IP6K1: variants seen among roughly 807,000 people sequenced by gnomAD.
IP6K1 encodes inositol hexakisphosphate kinase 1, also known as ATP:1D-myo-inositol-hexakisphosphate phosphotransferase.
Under a neutral mutation model 38.3 loss-of-function variants are expected in IP6K1, and 13 were observed. That is an observed-to-expected ratio of 0.34 (90% CI 0.22 to 0.54). The LOEUF (loss-of-function observed/expected upper bound fraction) is 0.54. IP6K1 is among the 20% of genes least tolerant of loss of function. The pLI, the probability that IP6K1 is intolerant of heterozygous loss-of-function variation, is 0.92. For synonymous variants in IP6K1, 212 were observed against 229.9 expected, an observed-to-expected ratio of 0.92 and a Z score of 0.70; for missense variants, 397 against 599.8, an observed-to-expected ratio of 0.66 and a Z score of 3.53.
rs774114345 is a variant in IP6K1, at chr3:49,728,130, C to T, written c.765G>A (p.Thr255=). The change falls in exon 5 of 6, where the codon ACG becomes ACA. Residue 255 remains threonine, a synonymous_variant. Coordinates refer to ENST00000321599, the MANE Select transcript of IP6K1 (RefSeq NM_153273.4). ...MRKCEQSTSA[T]LGVRVCGMQV... Reference sequence around the variant, plus strand: ...GCATGCCGCAGACCCTGACGCCCAGCGTGGCTGATGTGCTCTGCTCGCATT... The same window carrying T: ...GCATGCCGCAGACCCTGACGCCCAGTGTGGCTGATGTGCTCTGCTCGCATT... 29 of 1,613,898 alleles carry T rather than the reference C, an allele frequency of 1.8e-5. No individual in the cohort carries two copies. The highest frequency in any genetic ancestry group is 6.7e-5 in the Admixed American group (4 of 60,004).
At chr3:49,783,710 C>A (rs2081087740) in intron 1 of IP6K1, among the ~76,000 whole-genome samples, 1 of 105,124 alleles carries the variant, frequency 9.5e-6, no homozygotes. Flanking sequence ...GAGATTCCGT[C>A]TCAAAAAAAA....
chr3:49,745,349 C>G (rs547073338), intron 2 of IP6K1, among the ~76,000 whole-genome samples: 1 of 152,134 alleles, frequency 6.6e-6, no homozygotes, highest in Non-Finnish European at 1.5e-5. Flanking sequence ...AAGTAAAATC[C>G]CTGAGGTTAA....
intron 1 of IP6K1, among the ~76,000 whole-genome samples, chr3:49,760,364 C>T (rs940599121): frequency 6.6e-6 from 1 of 152,174 alleles, no homozygotes; most frequent in Non-Finnish European, 1.5e-5. Context: ...TGGCTCAAGC[C>T]TGTAATTCCA....
intron 1 of IP6K1, among the ~76,000 whole-genome samples, chr3:49,751,146 T>TC (rs2080773591): frequency 1.6e-5 from 1 of 63,126 alleles, no homozygotes; most frequent in Non-Finnish European, 3.0e-5. Flanking sequence ...CGGCTCTGAC[T>TC]CCTTTTTTTT....
intron 1 of IP6K1, among the ~76,000 whole-genome samples, chr3:49,773,980 AACACACACAC>A (rs10575617): frequency 1.7e-4 from 24 of 142,258 alleles, no homozygotes; most frequent in South Asian, 1.6e-3. Context: ...CTCTCTCTAA[AACACACACAC>A]ACACACACAC....
chr3:49,760,250 T>C (rs563134164), intron 1 of IP6K1, among the ~76,000 whole-genome samples: 2 of 152,238 alleles, frequency 1.3e-5, no homozygotes, highest in African/African-American at 2.4e-5. Flanking sequence ...GTCCACCTCA[T>C]AGACAACCCA....
intron 1 of IP6K1, among the ~76,000 whole-genome samples, chr3:49,764,816 T>C (rs1575322507): frequency 1.3e-5 from 2 of 150,026 alleles, no homozygotes; most frequent in Admixed American, 6.6e-5. Flanking sequence ...GAGGCGGAGG[T>C]TGCAGTGAGC....
rs1309611567 is a variant in IP6K1 at position 49,724,666 on chromosome 3, C to CGTGCATGTGGTCAGGAGTGA, written c.*2436_*2455dup. 6.5e-6 allele frequency: 1 copy of CGTGCATGTGGTCAGGAGTGA among 152,690 alleles called. No individual in the cohort carries two copies. Among genetic ancestry groups the CGTGCATGTGGTCAGGAGTGA allele is most frequent in the Admixed American group, 6.5e-5 (1 of 15,284 alleles). The allele number at this position is 152,690 out of a possible 1,614,324, so 9.5% of individuals were successfully genotyped here. On this transcript the variant is annotated 3_prime_UTR_variant, in exon 6 of 6. Coordinates refer to ENST00000321599, the MANE Select transcript of IP6K1 (RefSeq NM_153273.4). ...TTCAAAGCAGTCTGCATCTAGGGAA[C>CGTGCATGTGGTCAGGAGTGA]GTGCATGTGGTCAGGAGTGAGCGCG... is the stretch of plus-strand genomic sequence containing the variant.
chr3:49,774,407 C>CAAAAAA (rs777187857), intron 1 of IP6K1, among the ~76,000 whole-genome samples: 46 of 44,114 alleles, frequency 1.0e-3, no homozygotes, highest in Admixed American at 2.2e-3. Flanking sequence ...GACTCCATCT[C>CAAAAAA]AAAAAAAAAA....
Position 49,738,172 on chromosome 3 carries a change from T to C in IP6K1, c.434+40A>G, listed in dbSNP as rs773912747. On this transcript the variant is annotated intron_variant, in intron 3 of 5. Transcript: ENST00000321599. ...ATGTGTCAGGACTATGGAGACGTCT[T>C]GAGTGCTTGTACCAGCAGGACGAAA... 8 of 1,528,334 alleles carry C rather than the reference T, an allele frequency of 5.2e-6. No individual in the cohort carries two copies. The South Asian group carries it at 9.0e-5, about 17-fold the overall frequency. 94.7% of individuals were successfully genotyped at this position (1,528,334 alleles called of 1,614,324 possible). A position where few individuals can be genotyped will look rare whatever the true frequency, so the allele number is the denominator to read the frequency against.
intron 1 of IP6K1, among the ~76,000 whole-genome samples, chr3:49,779,547 T>C (rs2081047295): frequency 6.6e-6 from 1 of 152,196 alleles, no homozygotes; most frequent in African/African-American, 2.4e-5. Context: ...TTTTCCCAAG[T>C]GGCCCACTTG....
At chr3:49,732,442 TTTAA>T (rs1412289210) in intron 4 of IP6K1, among the ~76,000 whole-genome samples, 1 of 152,194 alleles carries the variant, frequency 6.6e-6, no homozygotes, top group Non-Finnish European at 1.5e-5. Flanking sequence ...TGATTTAAAT[TTTAA>T]TTAATAAAAT....
intron 2 of IP6K1, among the ~76,000 whole-genome samples, chr3:49,741,323 T>G (rs1488100866): frequency 6.6e-6 from 1 of 152,196 alleles, no homozygotes; most frequent in Non-Finnish European, 1.5e-5. Flanking sequence ...GTTATTTCCC[T>G]TTTTTCTTTA....
intron 1 of IP6K1, among the ~76,000 whole-genome samples, chr3:49,754,831 A>G (rs2080808539): frequency 6.6e-6 from 1 of 152,178 alleles, no homozygotes; most frequent in Admixed American, 6.6e-5. Context: ...GCAGATCAGC[A>G]GGTATATACT....
intron 2 of IP6K1, among the ~76,000 whole-genome samples, chr3:49,740,863 T>C (rs964077666): frequency 6.6e-6 from 1 of 151,604 alleles, no homozygotes; most frequent in Non-Finnish European, 1.5e-5. Context: ...TTTCTTTTTT[T>C]TTTTTTTTGA....
chr3:49,740,269 T>A (rs1339657205), intron 2 of IP6K1, among the ~76,000 whole-genome samples: 2 of 144,052 alleles, frequency 1.4e-5, no homozygotes, highest in African/African-American at 5.1e-5. Context: ...CAAGGCTTGC[T>A]ATGTTGCCCA....
intron 2 of IP6K1, 73 bp from the exon 3 acceptor site, chr3:49,738,495 TCA>T (rs1431920361): frequency 4.1e-5 from 48 of 1,169,404 alleles, no homozygotes; most frequent in African/African-American, 6.0e-5. Flanking sequence ...CTGTTGGCAC[TCA>T]CTTTCCCACA....
intron 1 of IP6K1, chr3:49,775,354 GA>G: frequency 1.8e-5 from 6 of 329,288 alleles, no homozygotes; most frequent in South Asian, 1.1e-4. Context: ...AAGATTGTGT[GA>G]AAAATGTGAC....
At chr3:49,741,652 A>G (rs936352444) in intron 2 of IP6K1, among the ~76,000 whole-genome samples, 1 of 152,246 alleles carries the variant, frequency 6.6e-6, no homozygotes, top group African/African-American at 2.4e-5. Context: ...CAAACACTTT[A>G]TAAATGTAGC....
Sources: allele counts gnomAD v4.1 joint callset (sites outside exome capture counted in the v4.1 genomes callset), GRCh38; gene constraint gnomAD v4.1.1; transcripts MANE v1.5; gene names NCBI Gene and HGNC (gene_info 2026-07-23, HGNC 2026-07-21).